Variants in NPHP1 observed in about 807,000 individuals in gnomAD.
The protein encoded by NPHP1 is nephrocystin 1, also known as nephrocystin-1.
Under a neutral mutation model 90.4 loss-of-function variants are expected in NPHP1, and 70 were observed. That is an observed-to-expected ratio of 0.77 (90% CI 0.64 to 0.95). NPHP1 has a LOEUF of 0.95. NPHP1 is among the 40% of genes least tolerant of loss of function. The pLI, the probability that NPHP1 is intolerant of heterozygous loss-of-function variation, is 0.00. For missense variants in NPHP1, 764 were observed against 795.9 expected (o/e 0.96, Z 0.48); for synonymous variants, 256 against 271.7 (o/e 0.94, Z 0.57).
chr2:110,164,976 A>G (rs1462932299), intron 7 of NPHP1, 76 bp downstream of exon 7: 1 of 1,162,850 alleles, frequency 8.6e-7, no homozygotes, highest in South Asian at 1.3e-5. Flanking sequence ...GAAAGTATTG[A>G]ATTAGTTATA....
intron 11 of NPHP1, among the ~76,000 whole-genome samples, chr2:110,159,792 T>C (rs112938430): frequency 6.6e-6 from 1 of 152,100 alleles, no homozygotes; most frequent in Admixed American, 6.5e-5. Flanking sequence ...CATTAATTTC[T>C]ACTCTTATCT....
At position 110,131,198 on chromosome 2, in the gene NPHP1, G is replaced by A. The variant is rs368441884; in HGVS notation, c.1642+481C>T. On this transcript the variant is annotated intron_variant, in intron 17 of 19. Coordinates refer to ENST00000445609, the MANE Select transcript of NPHP1 (RefSeq NM_001128178.3). ...ATTTTACTTGGTAAAAATTTCAAACGTACAAAAAAGTTGCAAGAATAAAGA... is the reference window on the plus strand; with the variant it reads ...ATTTTACTTGGTAAAAATTTCAAACATACAAAAAAGTTGCAAGAATAAAGA... Among the ~76,000 whole-genome samples the A allele has an allele frequency of 8.5e-5, 13 of 152,116 alleles. 1 individual carries two copies. In the East Asian group the frequency reaches 2.3e-3, roughly 27 times the overall value.
Position 110,169,925 on chromosome 2 carries a change from C to G in NPHP1, c.403G>C (p.Asp135His), listed in dbSNP as rs1233537687. ...TTCTCTTCCTCTTCCTCCTCTGCAT[C>G]TTCTTCCTCCCCACCACTGTCTTCA... ...DSEDSGGEEEDAEEEEEEKEE... is the reference protein window; with the variant it reads ...DSEDSGGEEEHAEEEEEEKEE... The change falls in exon 5 of 20, where the codon GAT (aspartate) becomes CAT (histidine). Residue 135 changes from aspartate to histidine, a missense_variant. By Grantham distance (81) the Asp-to-His change is moderately conservative. Transcript: ENST00000445609. The G allele has an allele frequency of 6.2e-7, 1 of 1,605,876 alleles. No individual in the cohort carries two copies. The highest frequency in any genetic ancestry group is 1.7e-5 in the Admixed American group (1 of 59,914).
At chr2:110,167,327 TAG>T (rs1282935282) in intron 6 of NPHP1, among the ~76,000 whole-genome samples, 1 of 152,090 alleles carries the variant, frequency 6.6e-6, no homozygotes, top group Non-Finnish European at 1.5e-5. Context: ...ACCCAGGTAT[TAG>T]AGGTTAGAAC....
At position 110,201,443 on chromosome 2, in the gene NPHP1, T is replaced by A; in HGVS notation, c.121A>T (p.Lys41Ter). 6.2e-7 allele frequency: 1 copy of A among 1,609,634 alleles called. No individual in the cohort carries two copies. Among genetic ancestry groups the A allele is most frequent in the East Asian group, 2.2e-5 (1 of 44,824 alleles). ...TACCTTTGATAAATATGTTGTCTTTTATTGGGTTCTAGAGCTTCTTTCAGT... is the reference window on the plus strand; with the variant it reads ...TACCTTTGATAAATATGTTGTCTTTAATTGGGTTCTAGAGCTTCTTTCAGT... ...SQLKEALEPN[K>*]RQHIYQRCIQ... The change falls in exon 2 of 20, where the codon AAA becomes TAA. Residue 41 changes from lysine (K) to a stop codon, truncating the protein, a stop_gained. Coordinates refer to ENST00000445609, the MANE Select transcript of NPHP1 (RefSeq NM_001128178.3). LOFTEE classifies it high-confidence loss of function.
intron 4 of NPHP1, among the ~76,000 whole-genome samples, chr2:110,175,098 T>G (rs72828803): frequency 0.3 from 44,836 of 151,886 alleles, 7,427 homozygotes; most frequent in East Asian, 0.56. Context: ...ACAGGAGTCT[T>G]AAGTCTGCAT....
intron 2 of NPHP1, among the ~76,000 whole-genome samples, chr2:110,189,704 G>A (rs1026447284): frequency 1.1e-4 from 16 of 152,136 alleles, no homozygotes; most frequent in African/African-American, 3.9e-4. Context: ...CGAGTAGTCT[G>A]TTCTGACAGG....
At chr2:110,148,870 C>T (rs545199340) in intron 12 of NPHP1, among the ~76,000 whole-genome samples, 22 of 152,298 alleles carry the variant, frequency 1.4e-4, no homozygotes, top group Admixed American at 4.6e-4. Flanking sequence ...CACTCTCCCT[C>T]GACAACTGTA....
At position 110,192,843 on chromosome 2, in the gene NPHP1, G is replaced by A. The variant is rs116299958; in HGVS notation, c.143+8578C>T. On this transcript the variant is annotated intron_variant, in intron 2 of 19. Coordinates refer to ENST00000445609, the MANE Select transcript of NPHP1 (RefSeq NM_001128178.3). ...ACTCTACAAGCCAGAAGAGAATGGCGGCCAATATTCAACTTCTTAAAGAAA... is the reference window on the plus strand; with the variant it reads ...ACTCTACAAGCCAGAAGAGAATGGCAGCCAATATTCAACTTCTTAAAGAAA... 4.1e-3 allele frequency among the ~76,000 whole-genome samples: 631 copies of A among 152,162 alleles called. 8 individuals carry two copies. The highest frequency in any genetic ancestry group is 0.014 in the African/African-American group (587 of 41,510).
At chr2:110,155,160 G>T (rs1202172754) in intron 11 of NPHP1, among the ~76,000 whole-genome samples, 1 of 152,188 alleles carries the variant, frequency 6.6e-6, no homozygotes, top group Non-Finnish European at 1.5e-5. Context: ...TTCAGAGGGT[G>T]CAAGCCCAAA....
At chr2:110,159,663 T>A (rs1682159727) in intron 11 of NPHP1, among the ~76,000 whole-genome samples, 1 of 152,054 alleles carries the variant, frequency 6.6e-6, no homozygotes, top group Non-Finnish European at 1.5e-5. Context: ...TTGTTTTCTT[T>A]TACTTTTTAA....
intron 8 of NPHP1, chr2:110,163,404 T>C: frequency 2.2e-6 from 1 of 451,828 alleles, no homozygotes; most frequent in South Asian, 2.3e-5. Context: ...TATCAAAATG[T>C]CCCTGCTCCT....
At chr2:110,151,168 GAAAAAA>G in intron 11 of NPHP1, among the ~76,000 whole-genome samples, 2 of 116,466 alleles carry the variant, frequency 1.7e-5, no homozygotes, top group Admixed American at 1.8e-4. Context: ...TCAGTCTCAA[GAAAAAA>G]AAAAAAAAAA....
At chr2:110,174,299 C>T (rs1345414262) in intron 4 of NPHP1, among the ~76,000 whole-genome samples, 1 of 152,068 alleles carries the variant, frequency 6.6e-6, no homozygotes, top group African/African-American at 2.4e-5. Context: ...GTTTATTTCT[C>T]CTTTCTTGCC....
At position 110,178,457 on chromosome 2, in the gene NPHP1, G is replaced by A. The variant is rs1350990216; in HGVS notation, c.295C>T (p.Leu99Phe). ...LDKLTQQLQG[L>F]AVTISRENIT... is the part of the protein sequence containing the mutation. Reference sequence around the variant, plus strand: ...TTTTCTCTGCTTATTGTCACAGCAAGGCCCTGCAGTTGTTGGGTAAGCTTG... The same window carrying A: ...TTTTCTCTGCTTATTGTCACAGCAAAGCCCTGCAGTTGTTGGGTAAGCTTG... The change falls in exon 4 of 20, where the codon CTT (leucine) becomes TTT (phenylalanine). Residue 99 changes from leucine (L) to phenylalanine (F), a missense_variant. Physicochemically the swap from Leu to Phe is conservative, Grantham distance 22 (BLOSUM62 0). Coordinates refer to ENST00000445609, the MANE Select transcript of NPHP1 (RefSeq NM_001128178.3). 5.0e-6 allele frequency: 8 copies of A among 1,613,820 alleles called. No homozygotes were observed. Among genetic ancestry groups the A allele is most frequent in the African/African-American group, 2.7e-5 (2 of 74,934 alleles).
Position 110,169,827 on chromosome 2 carries a change from T to C in NPHP1, c.501A>G (p.Gln167=), listed in dbSNP as rs1046817440. ...CTACCTTAAATGTAAGATCTCCAAC[T>C]TGCTGAGCAGTAAAATCTCCAACAG... ...YIAVGDFTAQ[Q]VGDLTFKKGE... Residue 167 remains glutamine, a synonymous_variant, in exon 5 of 20, where the codon CAA becomes CAG. Coordinates refer to ENST00000445609, the MANE Select transcript of NPHP1 (RefSeq NM_001128178.3). The C allele has an allele frequency of 1.9e-6, 3 of 1,613,080 alleles. No individual in the cohort carries two copies. The highest frequency in any genetic ancestry group is 2.2e-5 in the East Asian group (1 of 44,852).
intron 2 of NPHP1, among the ~76,000 whole-genome samples, chr2:110,195,073 A>G (rs1685057886): frequency 6.6e-6 from 1 of 152,154 alleles, no homozygotes; most frequent in Admixed American, 6.5e-5. Context: ...CAAAAACTGG[A>G]AGCATTCCCT....
Position 110,126,709 on chromosome 2 carries a change from C to G in NPHP1, c.1717-1028G>C, listed in dbSNP as rs528493557. 7 of 152,742 alleles carry G rather than the reference C, an allele frequency of 4.6e-5. 1 individual carries two copies. The South Asian group carries it at 1.5e-3, about 32-fold the overall frequency. The allele number at this position is 152,742 out of a possible 1,614,324, so 9.5% of individuals were successfully genotyped here. A position where few individuals can be genotyped will look rare whatever the true frequency, so the allele number is the denominator to read the frequency against. On this transcript the variant is annotated intron_variant, in intron 18 of 19. Coordinates refer to ENST00000445609, the MANE Select transcript of NPHP1 (RefSeq NM_001128178.3). Reference sequence around the variant, plus strand: ...TGCTAGGTAAGTAAACTCTAGGAGGCTCACATGCTGTACATTTTAAATTTT... The same window carrying G: ...TGCTAGGTAAGTAAACTCTAGGAGGGTCACATGCTGTACATTTTAAATTTT...
chr2:110,193,104 A>G (rs1388194580), intron 2 of NPHP1, among the ~76,000 whole-genome samples: 1 of 152,190 alleles, frequency 6.6e-6, no homozygotes, highest in Non-Finnish European at 1.5e-5. Flanking sequence ...TCAACTAATG[A>G]GCAAAATAAC....
Sources: gnomAD v4.1 joint callset for allele counts (sites outside exome capture counted in the v4.1 genomes callset) on GRCh38, gnomAD v4.1.1 for gene constraint, MANE v1.5 for transcripts, NCBI Gene and HGNC (gene_info 2026-07-23, HGNC 2026-07-21) for gene names.